Variants in LARGE1 observed in about 807,000 individuals in gnomAD.
LARGE1 encodes the protein LARGE xylosyl- and glucuronyltransferase 1, also known as xylosyl- and glucuronyltransferase LARGE1.
Under a neutral mutation model 87.6 loss-of-function variants are expected in LARGE1, and 43 were observed. That is an observed-to-expected ratio of 0.49 (90% CI 0.38 to 0.63). LARGE1 has a LOEUF of 0.63. LARGE1 is among the 30% of genes least tolerant of loss of function. LARGE1 has a pLI of 0.00. For synonymous variants in LARGE1, 434 were observed against 394.6 expected, an observed-to-expected ratio of 1.10 and a Z score of -1.18; for missense variants, 802 against 1,000.2, an observed-to-expected ratio of 0.80 and a Z score of 2.67.
chr22:33,259,387 C>T (rs28666055), intron 11 of LARGE1, among the ~76,000 whole-genome samples: 5 of 151,822 alleles, frequency 3.3e-5, no homozygotes, highest in Admixed American at 6.6e-5. Flanking sequence ...CATACACACA[C>T]AGACACTTAG....
At chr22:33,428,348 A>C (rs1188293217) in intron 7 of LARGE1, among the ~76,000 whole-genome samples, 1 of 147,266 alleles carries the variant, frequency 6.8e-6, no homozygotes, top group South Asian at 2.2e-4. Context: ...ACAGAGTCTC[A>C]GTCTGTCGCC....
At chr22:33,168,098 G>A (rs1190512341) in intron 11 of LARGE1, among the ~76,000 whole-genome samples, 6 of 152,238 alleles carry the variant, frequency 3.9e-5, no homozygotes, top group Middle Eastern at 3.4e-3. Context: ...TAGCTGTGGG[G>A]TCTAAGGCTT....
chr22:33,093,717 G>C, the LARGE1 span, among the ~76,000 whole-genome samples: 1 of 152,054 alleles, frequency 6.6e-6, no homozygotes, highest in East Asian at 1.9e-4. Context: ...ACAGGTAAGG[G>C]AATATCAGAG....
chr22:33,275,699 A>T (rs1387335254), intron 14 of LARGE1, among the ~76,000 whole-genome samples: 1 of 152,242 alleles, frequency 6.6e-6, no homozygotes, highest in Admixed American at 6.5e-5. Flanking sequence ...TGTCTGGGAC[A>T]TGCTATTCGC....
chr22:33,389,261 C>A (rs763573280), intron 7 of LARGE1, among the ~76,000 whole-genome samples: 32 of 152,346 alleles, frequency 2.1e-4, no homozygotes, highest in Non-Finnish European at 4.6e-4. Context: ...TCAGGAAGAG[C>A]CTCGTATCTA....
intron 9 of LARGE1, among the ~76,000 whole-genome samples, chr22:33,373,247 T>C (rs2064878513): frequency 6.6e-6 from 1 of 152,196 alleles, no homozygotes; most frequent in Admixed American, 6.5e-5. Flanking sequence ...TTTCATCCCC[T>C]ATGTTAGAAC....
intron 9 of LARGE1, among the ~76,000 whole-genome samples, chr22:33,345,737 C>G (rs760312281): frequency 6.6e-6 from 1 of 152,144 alleles, no homozygotes; most frequent in Non-Finnish European, 1.5e-5. Context: ...AAAGGAGACA[C>G]GAGAAACTCT....
intron 1 of LARGE1, among the ~76,000 whole-genome samples, chr22:33,776,950 G>C (rs552845862): frequency 1.3e-5 from 2 of 152,262 alleles, no homozygotes; most frequent in South Asian, 2.1e-4. Context: ...TGCAGAGATG[G>C]TCAGCACATG....
chr22:33,288,594 T>C (rs766082554), intron 12 of LARGE1, among the ~76,000 whole-genome samples: 2 of 152,168 alleles, frequency 1.3e-5, no homozygotes. Flanking sequence ...GCTTACTGAG[T>C]CTGTCTACTG....
the LARGE1 span, among the ~76,000 whole-genome samples, chr22:33,073,597 C>T: frequency 3.6e-3 from 545 of 152,252 alleles, 3 homozygotes; most frequent in African/African-American, 0.012. Flanking sequence ...CTCTCTAACA[C>T]CCAACCCTGC....
In LARGE1 at chr22:33,386,224, A is replaced by C. The variant is rs1170940346; in HGVS notation, c.893-1920T>G. ...ATAGATTTTGTTATCCTTATTTTAT[A>C]GGTGAGGAAACTGAGGGGCTAAATC... is the stretch of plus-strand genomic sequence containing the variant. On this transcript the variant is annotated intron_variant, in intron 7 of 14. Coordinates refer to ENST00000397394, the MANE Select transcript of LARGE1 (RefSeq NM_133642.5). Among the ~76,000 whole-genome samples the C allele has an allele frequency of 1.3e-5, 2 of 148,702 alleles. 1 individual carries two copies.
intron 5 of LARGE1, among the ~76,000 whole-genome samples, chr22:33,578,898 T>A (rs2078429650): frequency 6.6e-6 from 1 of 152,178 alleles, no homozygotes; most frequent in South Asian, 2.1e-4. Context: ...AACATTCCAA[T>A]GCAGTTATAA....
chr22:33,098,490 G>A, the LARGE1 span, among the ~76,000 whole-genome samples: 6 of 151,668 alleles, frequency 4.0e-5, no homozygotes, highest in East Asian at 1.9e-4. Flanking sequence ...GTATGGTGGC[G>A]GGCGCCTGTA....
chr22:33,627,349 C>T (rs1031350499), intron 3 of LARGE1, among the ~76,000 whole-genome samples: 1 of 152,204 alleles, frequency 6.6e-6, no homozygotes, highest in Admixed American at 6.5e-5. Context: ...AGAGTTCATA[C>T]TTCCGGATTT....
chr22:33,241,211 A>G (rs187786517), intron 11 of LARGE1, among the ~76,000 whole-genome samples: 1 of 145,772 alleles, frequency 6.9e-6, no homozygotes, highest in East Asian at 2.0e-4. Context: ...TCTTGAAGAC[A>G]TATGCTCTCT....
At chr22:33,088,051 AAC>A in the LARGE1 span, among the ~76,000 whole-genome samples, 4,373 of 151,004 alleles carry the variant, frequency 0.029, 238 homozygotes, top group East Asian at 0.25. Flanking sequence ...GCACAGGCCT[AAC>A]ACACACACAC....
chr22:33,650,899 G>A (rs960675065), intron 2 of LARGE1, among the ~76,000 whole-genome samples: 1 of 152,032 alleles, frequency 6.6e-6, no homozygotes, highest in Non-Finnish European at 1.5e-5. Context: ...TTTTAGAGAA[G>A]GCAATCATAA....
At chr22:33,490,519 A>T (rs947424866) in intron 6 of LARGE1, among the ~76,000 whole-genome samples, 2 of 152,222 alleles carry the variant, frequency 1.3e-5, no homozygotes, top group African/African-American at 4.8e-5. Flanking sequence ...CTCTAAATAG[A>T]ATTATTTGTA....
chr22:33,525,720 T>C (rs1443610411), intron 6 of LARGE1, among the ~76,000 whole-genome samples: 3 of 152,218 alleles, frequency 2.0e-5, no homozygotes, highest in Non-Finnish European at 4.4e-5. Context: ...GGGAAGCTTC[T>C]GCAGGTCTTG....
Sources: gnomAD v4.1 joint callset for allele counts (sites outside exome capture counted in the v4.1 genomes callset) on GRCh38, gnomAD v4.1.1 for gene constraint, MANE v1.5 for transcripts, NCBI Gene and HGNC (gene_info 2026-07-23, HGNC 2026-07-21) for gene names.